Variants in CCDC3 observed in about 807,000 individuals in gnomAD.
The protein encoded by CCDC3 is coiled-coil domain containing 3, also known as coiled-coil domain-containing protein 3.
In CCDC3, 24 loss-of-function variants were observed where a neutral mutation model predicts 21.4. The observed-to-expected ratio is 1.12, with a 90% CI of 0.81 to 1.58. CCDC3 has a LOEUF of 1.58. Ranked by LOEUF, CCDC3 falls within the 40% of genes most tolerant of loss-of-function variation. The pLI is 0.00. For missense variants in CCDC3, 425 were observed against 360.9 expected (o/e 1.18, Z -1.44); for synonymous variants, 186 against 166.0 (o/e 1.12, Z -0.93).
intron 2 of CCDC3, among the ~76,000 whole-genome samples, chr10:12,915,163 A>C (rs952804068): frequency 6.6e-6 from 1 of 152,154 alleles, no homozygotes; most frequent in Non-Finnish European, 1.5e-5. Flanking sequence ...TAACAGGAAG[A>C]ATTTTTCTGA....
intron 4 of CCDC3, among the ~76,000 whole-genome samples, chr10:13,059,817 C>T (rs1202149366): frequency 2.0e-5 from 3 of 152,072 alleles, no homozygotes; most frequent in African/African-American, 7.2e-5. Context: ...TGGCCGGGCG[C>T]GGTGGCTCAC....
chr10:13,036,438 C>T (rs1325793640), intron 5 of CCDC3, among the ~76,000 whole-genome samples: 8 of 152,154 alleles, frequency 5.3e-5, no homozygotes, highest in African/African-American at 1.9e-4. Flanking sequence ...ACCATGTTCT[C>T]TCTAAGCTAG....
intron 2 of CCDC3, among the ~76,000 whole-genome samples, chr10:12,954,204 T>C (rs1015220716): frequency 1.3e-5 from 2 of 152,212 alleles, no homozygotes; most frequent in African/African-American, 2.4e-5. Context: ...AATTATGCTA[T>C]GCAATGTCTA....
At chr10:12,921,936 G>A (rs566708966) in intron 2 of CCDC3, among the ~76,000 whole-genome samples, 14 of 152,276 alleles carry the variant, frequency 9.2e-5, no homozygotes, top group African/African-American at 3.1e-4. Context: ...GTCTTGCCAT[G>A]TTGCCTGGGC....
chr10:13,078,526 T>C (rs147885855), intron 3 of CCDC3, among the ~76,000 whole-genome samples: 67 of 152,338 alleles, frequency 4.4e-4, no homozygotes, highest in Middle Eastern at 3.4e-3. Flanking sequence ...ACCCAAAGGA[T>C]TGTAAATTAT....
intron 4 of CCDC3, among the ~76,000 whole-genome samples, chr10:13,054,824 G>A (rs1866623): frequency 0.24 from 36,400 of 151,966 alleles, 4,491 homozygotes; most frequent in Admixed American, 0.27. Context: ...CCCTCACTAC[G>A]CGTGGCTAAT....
At chr10:12,908,735 A>T (rs1280090292) in intron 2 of CCDC3, among the ~76,000 whole-genome samples, 1 of 151,874 alleles carries the variant, frequency 6.6e-6, no homozygotes, top group Non-Finnish European at 1.5e-5. Flanking sequence ...TGGAACTACA[A>T]GTGCATGCCA....
intron 2 of CCDC3, among the ~76,000 whole-genome samples, chr10:12,980,603 G>T (rs1589029206): frequency 6.6e-6 from 1 of 152,278 alleles, no homozygotes; most frequent in East Asian, 1.9e-4. Context: ...GGAGAAGTTT[G>T]CATGAGCTAA....
rs1327419014 is a variant in CCDC3 at position 13,077,029 on chromosome 10, G to A, written c.-502-2929C>T. On this transcript the variant is annotated intron_variant, in intron 3 of 6. Transcript: ENST00000378839. ...GGCCAGGGCAATCAGGCAGGAGAAAGAAATAAAGGGTATTCAATTAGGAAA... is the reference window on the plus strand; with the variant it reads ...GGCCAGGGCAATCAGGCAGGAGAAAAAAATAAAGGGTATTCAATTAGGAAA... Among the ~76,000 whole-genome samples, 7 of 152,184 alleles carry A rather than the reference G, an allele frequency of 4.6e-5. 1 individual carries two copies. In the East Asian group the frequency reaches 1.3e-3, roughly 29 times the overall value.
intron 2 of CCDC3, among the ~76,000 whole-genome samples, chr10:12,981,148 C>T (rs1036087722): frequency 1.3e-5 from 2 of 148,730 alleles, no homozygotes; most frequent in Non-Finnish European, 3.0e-5. Flanking sequence ...GCCAGGATTA[C>T]AAGTGTGAGC....
chr10:12,942,374 G>A (rs922692338), intron 2 of CCDC3, among the ~76,000 whole-genome samples: 5 of 152,268 alleles, frequency 3.3e-5, no homozygotes, highest in East Asian at 1.9e-4. Flanking sequence ...GGTAAAAGTC[G>A]TCGGCAAAGT....
At chr10:13,058,297 G>A (rs527522881) in intron 4 of CCDC3, 36 of 1,364,388 alleles carry the variant, frequency 2.6e-5, no homozygotes, top group Middle Eastern at 2.5e-4. Context: ...CGTATTCATC[G>A]CCAGTCACCT....
At chr10:12,983,035 C>A (rs1366407156) in intron 2 of CCDC3, among the ~76,000 whole-genome samples, 2 of 149,558 alleles carry the variant, frequency 1.3e-5, no homozygotes, top group Non-Finnish European at 3.0e-5. Flanking sequence ...TGGCTTAAAC[C>A]CGGAAGGCGG....
intron 3 of CCDC3, among the ~76,000 whole-genome samples, chr10:13,084,465 T>C (rs1315143006): frequency 6.6e-6 from 1 of 152,062 alleles, no homozygotes; most frequent in African/African-American, 2.4e-5. Context: ...ATTTTGTATT[T>C]TTAATAGAGA....
intron 5 of CCDC3, among the ~76,000 whole-genome samples, chr10:13,030,441 C>G (rs12250058): frequency 0.27 from 40,574 of 152,068 alleles, 6,437 homozygotes; most frequent in Non-Finnish European, 0.36. Flanking sequence ...AACTAATGAG[C>G]AAAATAACCA....
At chr10:12,900,976 G>A (rs548233137) in intron 2 of CCDC3, among the ~76,000 whole-genome samples, 5 of 152,254 alleles carry the variant, frequency 3.3e-5, no homozygotes, top group African/African-American at 4.8e-5. Context: ...GTCTCTCTCC[G>A]GAAACTGACC....
At chr10:12,922,812 T>C (rs571047805) in intron 2 of CCDC3, among the ~76,000 whole-genome samples, 8 of 152,296 alleles carry the variant, frequency 5.3e-5, no homozygotes, top group African/African-American at 1.2e-4. Flanking sequence ...CCCACTTAGA[T>C]GTTGCATCTG....
chr10:12,978,662 C>T (rs1002766621), intron 2 of CCDC3, among the ~76,000 whole-genome samples: 3 of 152,034 alleles, frequency 2.0e-5, no homozygotes, highest in Admixed American at 6.5e-5. Flanking sequence ...GAAAGTTGGA[C>T]CACACCCAGG....
At chr10:12,959,308 T>C (rs1835143758) in intron 2 of CCDC3, among the ~76,000 whole-genome samples, 1 of 151,974 alleles carries the variant, frequency 6.6e-6, no homozygotes, top group South Asian at 2.1e-4. Context: ...GCTGGGATTA[T>C]AGGTGCCCGC....
Sources: allele counts gnomAD v4.1 joint callset (sites outside exome capture counted in the v4.1 genomes callset), GRCh38; gene constraint gnomAD v4.1.1; transcripts MANE v1.5; gene names NCBI Gene and HGNC (gene_info 2026-07-23, HGNC 2026-07-21).